GRIK2: variants seen among roughly 807,000 people sequenced by gnomAD.
GRIK2 encodes glutamate receptor ionotropic, kainate 2.
In GRIK2, 32 loss-of-function variants were observed where a neutral mutation model predicts 100.3. The ratio of observed to expected loss-of-function variants is 0.32; its 90% CI spans 0.24 to 0.43. The LOEUF is 0.43. GRIK2 is among the 20% of genes least tolerant of loss of function. The pLI, the probability that GRIK2 is intolerant of heterozygous loss-of-function variation, is 1.00. For synonymous variants in GRIK2, 417 were observed against 389.4 expected (o/e 1.07, Z -0.83); for missense variants, 843 against 1,114.9 (o/e 0.76, Z 3.47).
intron 2 of GRIK2, among the ~76,000 whole-genome samples, chr6:101,405,821 G>A (rs1024774495): frequency 6.6e-5 from 10 of 152,024 alleles, no homozygotes; most frequent in Admixed American, 4.6e-4. Flanking sequence ...TGGCATTGCC[G>A]ACTCAGAGTT....
chr6:101,434,899 C>T (rs944418350), intron 2 of GRIK2, among the ~76,000 whole-genome samples: 7 of 152,166 alleles, frequency 4.6e-5, no homozygotes, highest in Admixed American at 1.3e-4. Context: ...GCAGCTGCCC[C>T]GTGAGGACCC....
chr6:101,814,539 A>C (rs887265182), intron 9 of GRIK2, among the ~76,000 whole-genome samples: 1 of 152,118 alleles, frequency 6.6e-6, no homozygotes, highest in Non-Finnish European at 1.5e-5. Context: ...CAAACTATTA[A>C]AAGCTAAATT....
intron 14 of GRIK2, among the ~76,000 whole-genome samples, chr6:101,997,025 T>C (rs1305938868): frequency 6.6e-6 from 1 of 152,156 alleles, no homozygotes; most frequent in Non-Finnish European, 1.5e-5. Context: ...TATTTGTTGA[T>C]ACTCTTTTCC....
intron 10 of GRIK2, among the ~76,000 whole-genome samples, chr6:101,829,125 T>A (rs1402720151): frequency 1.3e-5 from 2 of 152,024 alleles, no homozygotes; most frequent in Non-Finnish European, 2.9e-5. Flanking sequence ...AATAAATAAA[T>A]GTGATTCACC....
At chr6:101,438,016 T>C (rs1243291618) in intron 2 of GRIK2, among the ~76,000 whole-genome samples, 1 of 152,120 alleles carries the variant, frequency 6.6e-6, no homozygotes, top group Admixed American at 6.6e-5. Context: ...ATTCTAGTAG[T>C]CCTAGTTTTG....
At chr6:102,011,530 A>G (rs1483751214) in intron 14 of GRIK2, among the ~76,000 whole-genome samples, 1 of 149,786 alleles carries the variant, frequency 6.7e-6, no homozygotes, top group Non-Finnish European at 1.5e-5. Flanking sequence ...TTTAAATTTT[A>G]ACGAAGTCCA....
intron 2 of GRIK2, among the ~76,000 whole-genome samples, chr6:101,611,956 T>G (rs1276543567): frequency 6.6e-6 from 1 of 151,940 alleles, no homozygotes; most frequent in Non-Finnish European, 1.5e-5. Context: ...TCTTAGAATT[T>G]GTTCAAAGAA....
chr6:101,668,914 A>G (rs1238749268), intron 4 of GRIK2, among the ~76,000 whole-genome samples: 8 of 152,306 alleles, frequency 5.3e-5, no homozygotes, highest in African/African-American at 1.9e-4. Flanking sequence ...CAGTCTCTTA[A>G]AAGAGCAGCT....
At chr6:101,463,658 T>C (rs1771462381) in intron 2 of GRIK2, among the ~76,000 whole-genome samples, 1 of 152,120 alleles carries the variant, frequency 6.6e-6, no homozygotes, top group Admixed American at 6.5e-5. Context: ...TACACCTGTT[T>C]CCTGGCAGAC....
At position 101,690,043 on chromosome 6, in the gene GRIK2, G is replaced by A. The variant is rs17062354; in HGVS notation, c.951+3690G>A. Among the ~76,000 whole-genome samples the A allele has an allele frequency of 8.3e-3, 1,258 of 152,192 alleles. 19 individuals are homozygous for A. The highest frequency in any genetic ancestry group is 0.029 in the African/African-American group (1,201 of 41,524). On this transcript the variant is annotated intron_variant, in intron 7 of 16. Coordinates refer to ENST00000369134, the MANE Select transcript of GRIK2 (RefSeq NM_021956.5). Reference sequence around the variant, plus strand: ...CAGTGCCAATCAGAGCCCGACAATGGTGATACTTGTTATTGATTTATTGAG... The same window carrying A: ...CAGTGCCAATCAGAGCCCGACAATGATGATACTTGTTATTGATTTATTGAG...
At chr6:101,995,127 C>G (rs914034227) in intron 14 of GRIK2, among the ~76,000 whole-genome samples, 7 of 151,794 alleles carry the variant, frequency 4.6e-5, no homozygotes, top group African/African-American at 9.7e-5. Flanking sequence ...GAAAATGAAC[C>G]CATGGTAGTT....
At chr6:101,801,960 C>T (rs912772292) in intron 8 of GRIK2, among the ~76,000 whole-genome samples, 4 of 151,714 alleles carry the variant, frequency 2.6e-5, no homozygotes, top group African/African-American at 9.7e-5. Context: ...GATTTTATAA[C>T]AGTAGTTCTA....
intron 2 of GRIK2, among the ~76,000 whole-genome samples, chr6:101,473,017 T>C (rs915045176): frequency 6.6e-6 from 1 of 151,712 alleles, no homozygotes; most frequent in African/African-American, 2.4e-5. Context: ...TTCTGTATGA[T>C]TTCTTATGTT....
At chr6:101,827,267 T>C (rs997171060) in intron 10 of GRIK2, among the ~76,000 whole-genome samples, 2 of 151,938 alleles carry the variant, frequency 1.3e-5, no homozygotes, top group Admixed American at 6.6e-5. Context: ...CTGGCAAAGA[T>C]TGCCTTTGCT....
intron 2 of GRIK2, among the ~76,000 whole-genome samples, chr6:101,408,163 T>C (rs1479699048): frequency 6.6e-6 from 1 of 152,112 alleles, no homozygotes; most frequent in Non-Finnish European, 1.5e-5. Context: ...TGGTGTGCAA[T>C]AAGCAGTCAA....
intron 7 of GRIK2, among the ~76,000 whole-genome samples, chr6:101,693,392 C>A (rs972089707): frequency 6.6e-6 from 1 of 150,820 alleles, no homozygotes; most frequent in Non-Finnish European, 1.5e-5. Flanking sequence ...TTTCTGCACA[C>A]AATTTTCTTC....
chr6:101,963,509 C>CTTTCT (rs1554183894), intron 14 of GRIK2, among the ~76,000 whole-genome samples: 24 of 106,092 alleles, frequency 2.3e-4, no homozygotes, highest in African/African-American at 8.4e-4. Context: ...TTCTTTCTTT[C>CTTTCT]TTTTTTTTTT....
At chr6:101,780,595 A>G (rs1412425150) in intron 7 of GRIK2, among the ~76,000 whole-genome samples, 2 of 152,050 alleles carry the variant, frequency 1.3e-5, no homozygotes, top group Admixed American at 6.6e-5. Flanking sequence ...TTGTTTTGTA[A>G]TAATAATATT....
intron 2 of GRIK2, among the ~76,000 whole-genome samples, chr6:101,427,251 T>C (rs1481281920): frequency 6.6e-6 from 1 of 152,250 alleles, no homozygotes; most frequent in African/African-American, 2.4e-5. Flanking sequence ...CTCCTCCCAC[T>C]CATTGAACTT....
Sources: gnomAD v4.1 joint callset for allele counts (sites outside exome capture counted in the v4.1 genomes callset) on GRCh38, gnomAD v4.1.1 for gene constraint, MANE v1.5 for transcripts, NCBI Gene and HGNC (gene_info 2026-07-23, HGNC 2026-07-21) for gene names.